Variants in THADA observed in about 807,000 individuals in gnomAD.
THADA encodes the protein tRNA (32-2'-O)-methyltransferase regulator THADA.
A neutral mutation model predicts 219.8 loss-of-function variants in THADA; 213 were observed. The ratio of observed to expected loss-of-function variants is 0.97; its 90% CI spans 0.87 to 1.09. THADA has a LOEUF of 1.09. THADA is among the 50% of genes least tolerant of loss of function. The probability of loss-of-function intolerance (pLI) is 0.00; values close to 1 mark genes in which losing one functional copy is unlikely to be tolerated. For missense variants in THADA, 2,956 were observed against 2,311.3 expected (o/e 1.28, Z -5.72); for synonymous variants, 1,018 against 828.9 (o/e 1.23, Z -3.92).
At chr2:43,416,256 G>A (rs1472985890) in intron 28 of THADA, among the ~76,000 whole-genome samples, 1 of 152,134 alleles carries the variant, frequency 6.6e-6, no homozygotes, top group Admixed American at 6.5e-5. Context: ...CCACTGCTTT[G>A]TAAATTCTTT....
At chr2:43,299,744 G>C (rs1168680933) in intron 31 of THADA, among the ~76,000 whole-genome samples, 1 of 148,596 alleles carries the variant, frequency 6.7e-6, no homozygotes, top group African/African-American at 2.5e-5. Flanking sequence ...GCTGAAATTT[G>C]GGCTGGGCAC....
At chr2:43,341,457 G>A (rs574572655) in intron 30 of THADA, among the ~76,000 whole-genome samples, 1 of 152,278 alleles carries the variant, frequency 6.6e-6, no homozygotes, top group South Asian at 2.1e-4. Flanking sequence ...CCTCTTAGCT[G>A]CAGAGGAAGC....
intron 29 of THADA, among the ~76,000 whole-genome samples, chr2:43,368,749 C>T (rs1330673479): frequency 6.6e-6 from 1 of 152,088 alleles, no homozygotes; most frequent in African/African-American, 2.4e-5. Flanking sequence ...TTTACCTATA[C>T]TGAAACCCAC....
chr2:43,520,648 C>G (rs1692283448), intron 22 of THADA, among the ~76,000 whole-genome samples: 2 of 151,816 alleles, frequency 1.3e-5, no homozygotes, highest in South Asian at 4.2e-4. Context: ...CAATATCACA[C>G]CACTGTGCTC....
chr2:43,435,028 G>C (rs1393793329), intron 26 of THADA, among the ~76,000 whole-genome samples: 2 of 152,164 alleles, frequency 1.3e-5, no homozygotes, highest in Non-Finnish European at 2.9e-5. Flanking sequence ...GCTAAGAAGC[G>C]AGCTACAATC....
intron 29 of THADA, among the ~76,000 whole-genome samples, chr2:43,388,419 T>C (rs1445259607): frequency 6.6e-6 from 1 of 151,868 alleles, no homozygotes; most frequent in Non-Finnish European, 1.5e-5. Context: ...TCTTCCAAGA[T>C]GAAAAAAAAA....
intron 25 of THADA, among the ~76,000 whole-genome samples, chr2:43,491,188 T>C (rs1687590701): frequency 1.3e-5 from 2 of 152,150 alleles, no homozygotes; most frequent in Non-Finnish European, 2.9e-5. Flanking sequence ...GACAAAGAAT[T>C]GAGAAAGAGG....
chr2:43,295,629 C>T (rs1675280021), intron 31 of THADA, among the ~76,000 whole-genome samples: 1 of 152,194 alleles, frequency 6.6e-6, no homozygotes, highest in Non-Finnish European at 1.5e-5. Context: ...TAATAAAACA[C>T]CGTTTATATT....
At chr2:43,575,547 T>C (rs1348226399) in intron 10 of THADA, among the ~76,000 whole-genome samples, 1 of 152,176 alleles carries the variant, frequency 6.6e-6, no homozygotes, top group Non-Finnish European at 1.5e-5. Flanking sequence ...ATTTATTTAT[T>C]TATTTATTTG....
At chr2:43,326,240 T>C (rs1679321243) in intron 30 of THADA, among the ~76,000 whole-genome samples, 1 of 150,226 alleles carries the variant, frequency 6.7e-6, no homozygotes, top group Non-Finnish European at 1.5e-5. Flanking sequence ...TGCTAGAGTA[T>C]GATGGGTGCC....
At chr2:43,471,870 A>G (rs1396902009) in intron 26 of THADA, among the ~76,000 whole-genome samples, 1 of 151,926 alleles carries the variant, frequency 6.6e-6, no homozygotes, top group Non-Finnish European at 1.5e-5. Context: ...TATGCTCCCT[A>G]AGAATAAGTT....
chr2:43,301,752 T>G (rs1676288173), intron 31 of THADA, among the ~76,000 whole-genome samples: 3 of 152,188 alleles, frequency 2.0e-5, no homozygotes, highest in Non-Finnish European at 1.5e-5. Flanking sequence ...CCTAGCAGTC[T>G]AGTTTTAAAG....
intron 36 of THADA, among the ~76,000 whole-genome samples, chr2:43,252,168 C>A (rs946763715): frequency 6.6e-6 from 1 of 152,186 alleles, no homozygotes; most frequent in Admixed American, 6.6e-5. Context: ...ACTTCCACAT[C>A]CATAAAGATG....
intron 25 of THADA, among the ~76,000 whole-genome samples, chr2:43,496,999 G>A (rs996167624): frequency 3.3e-5 from 5 of 152,106 alleles, no homozygotes; most frequent in African/African-American, 9.7e-5. Flanking sequence ...ACCATCTCAC[G>A]CCAGTCAGAA....
chr2:43,274,550 G>C (rs1404926648), intron 36 of THADA, among the ~76,000 whole-genome samples: 1 of 152,192 alleles, frequency 6.6e-6, no homozygotes, highest in Non-Finnish European at 1.5e-5. Flanking sequence ...TAAAAGCGTA[G>C]AATAGCAAAG....
intron 9 of THADA, among the ~76,000 whole-genome samples, chr2:43,577,522 G>C (rs1406674479): frequency 6.6e-6 from 1 of 151,002 alleles, no homozygotes; most frequent in Non-Finnish European, 1.5e-5. Context: ...TTTTTTTTTG[G>C]TATGTATTTT....
chr2:43,394,432 T>C (rs986166965), intron 29 of THADA, among the ~76,000 whole-genome samples: 2 of 152,210 alleles, frequency 1.3e-5, no homozygotes, highest in Non-Finnish European at 2.9e-5. Context: ...TTCAAGAAAA[T>C]GTTCTGTGAA....
intron 36 of THADA, among the ~76,000 whole-genome samples, chr2:43,270,683 G>T (rs1028195250): frequency 6.6e-6 from 1 of 152,042 alleles, no homozygotes; most frequent in Non-Finnish European, 1.5e-5. Flanking sequence ...CTGAACTTCT[G>T]CATATTCACA....
chr2:43,451,139 T>C (rs1370649068), intron 26 of THADA, among the ~76,000 whole-genome samples: 6 of 152,192 alleles, frequency 3.9e-5, no homozygotes, highest in African/African-American at 1.2e-4. Context: ...AAATATGCTA[T>C]TAAATTAAAA....
Sources: gnomAD v4.1 joint callset for allele counts (sites outside exome capture counted in the v4.1 genomes callset) on GRCh38, gnomAD v4.1.1 for gene constraint, MANE v1.5 for transcripts, NCBI Gene and HGNC (gene_info 2026-07-23, HGNC 2026-07-21) for gene names.